The following DPP10 variants were observed in gnomAD, a reference collection of about 807,000 sequenced individuals.
DPP10 encodes the protein inactive dipeptidyl peptidase 10.
DPP10 carries 33 observed loss-of-function variants against 120.9 expected under a neutral mutation model. The ratio of observed to expected loss-of-function variants is 0.27; its 90% CI spans 0.21 to 0.37. DPP10 has a LOEUF of 0.37. DPP10 is among the 10% of genes least tolerant of loss of function. The pLI is 1.00. For synonymous variants in DPP10, 337 were observed against 326.1 expected, an observed-to-expected ratio of 1.03 and a Z score of -0.36; for missense variants, 816 against 942.8, an observed-to-expected ratio of 0.87 and a Z score of 1.76.
intron 1 of DPP10, among the ~76,000 whole-genome samples, chr2:114,459,367 A>G (rs1189698146): frequency 6.6e-6 from 1 of 152,206 alleles, no homozygotes; most frequent in Non-Finnish European, 1.5e-5. Flanking sequence ...TATATCAGTC[A>G]GTGGTCCATG....
intron 1 of DPP10, among the ~76,000 whole-genome samples, chr2:115,027,325 T>C (rs768600815): frequency 1.9e-4 from 29 of 152,170 alleles, no homozygotes; most frequent in Non-Finnish European, 2.5e-4. Flanking sequence ...ATGCCCTTTA[T>C]CTCTTTCTCT....
intron 1 of DPP10, among the ~76,000 whole-genome samples, chr2:114,923,712 C>T (rs907504582): frequency 2.9e-5 from 4 of 138,684 alleles, no homozygotes; most frequent in Non-Finnish European, 4.7e-5. Flanking sequence ...ATGATCCGCC[C>T]GCCTTGGCCT....
At chr2:114,734,166 T>C (rs546099651) in intron 1 of DPP10, among the ~76,000 whole-genome samples, 1 of 152,320 alleles carries the variant, frequency 6.6e-6, no homozygotes, top group South Asian at 2.1e-4. Flanking sequence ...TGCAAAGTCT[T>C]TTATGGGAAA....
chr2:115,528,032 G>A lies in DPP10; in HGVS notation c.441+2060G>A, dbSNP rs145098352. Among the ~76,000 whole-genome samples the A allele has an allele frequency of 2.0e-3, 306 of 152,214 alleles. 1 individual carries two copies. The highest frequency in any genetic ancestry group is 7.2e-3 in the African/African-American group (299 of 41,542). On this transcript the variant is annotated intron_variant, in intron 5 of 25. Coordinates refer to ENST00000410059, the MANE Select transcript of DPP10 (RefSeq NM_020868.6). ...GAGTTATGCCACAATAAACATATGT[G>A]TGCATGTGTCTTTATAGCAGCATTA...
chr2:115,831,258 C>CTTTCTTTA (rs1402614994), intron 21 of DPP10, among the ~76,000 whole-genome samples: 1 of 151,424 alleles, frequency 6.6e-6, no homozygotes, highest in Non-Finnish European at 1.5e-5. Context: ...TTCTTTCTTT[C>CTTTCTTTA]TTTATTTTGA....
rs200119642 is a variant in DPP10, at chr2:115,816,619, G to GT, written c.1950+906dup. Among the ~76,000 whole-genome samples the GT allele has an allele frequency of 1.8e-4, 19 of 103,664 alleles. 1 individual carries two copies. Among genetic ancestry groups the GT allele is most frequent in the African/African-American group, 3.9e-4 (11 of 28,174 alleles). The allele number at this position is 103,664 out of a possible 152,430, so 68.0% of individuals were successfully genotyped here. On this transcript the variant is annotated intron_variant, in intron 21 of 25. Transcript: ENST00000410059. ...GTTTTTTATTTTTGTTTTTTGTTTT[G>GT]TTTTTTTTTTTTTTTTGAGACGGAG...
At chr2:115,091,523 C>T (rs1022338394) in intron 1 of DPP10, among the ~76,000 whole-genome samples, 11 of 152,100 alleles carry the variant, frequency 7.2e-5, no homozygotes, top group African/African-American at 2.7e-4. Flanking sequence ...ACACTCTCCT[C>T]GCCTTCTCCC....
chr2:114,472,924 A>G (rs1573427943), intron 1 of DPP10, among the ~76,000 whole-genome samples: 1 of 152,296 alleles, frequency 6.6e-6, no homozygotes, highest in East Asian at 1.9e-4. Context: ...ATCTCCTCCC[A>G]TCACCATAGC....
chr2:115,840,322 T>TG (rs1298146053), intron 24 of DPP10, among the ~76,000 whole-genome samples: 14 of 109,572 alleles, frequency 1.3e-4, no homozygotes, highest in African/African-American at 4.8e-4. Context: ...TTTTTTGGTT[T>TG]TTTTTTTTTT....
At chr2:115,203,321 A>G (rs1234283108) in intron 1 of DPP10, among the ~76,000 whole-genome samples, 1 of 152,208 alleles carries the variant, frequency 6.6e-6, no homozygotes, top group Non-Finnish European at 1.5e-5. Context: ...TGTAATTTCA[A>G]TAGATGCTCG....
In DPP10 at chr2:114,547,923, G is replaced by A. The variant is rs555936462; in HGVS notation, c.60+105085G>A. ...GGGTGGGCTGGTGATTGCATTCACC[G>A]ACTTTTCTCCTCTGATTCTCTCACC... is the stretch of plus-strand genomic sequence containing the variant. On this transcript the variant is annotated intron_variant, in intron 1 of 25. Transcript: ENST00000410059. Among the ~76,000 whole-genome samples the A allele has an allele frequency of 2.6e-5, 4 of 152,138 alleles. No homozygotes were observed. The South Asian group carries it at 8.3e-4, about 31-fold the overall frequency.
chr2:115,380,742 G>T (rs2066261717), intron 3 of DPP10, among the ~76,000 whole-genome samples: 1 of 151,990 alleles, frequency 6.6e-6, no homozygotes, highest in Non-Finnish European at 1.5e-5. Flanking sequence ...TTTTAGGGCA[G>T]GCCTGGTGGT....
intron 1 of DPP10, among the ~76,000 whole-genome samples, chr2:115,067,699 T>A (rs1707010821): frequency 1.4e-5 from 2 of 147,690 alleles, no homozygotes; most frequent in South Asian, 2.2e-4. Context: ...CCGTCTCTAC[T>A]AAAAATACAA....
intron 1 of DPP10, among the ~76,000 whole-genome samples, chr2:114,670,055 C>A (rs989139945): frequency 6.6e-6 from 1 of 152,064 alleles, no homozygotes; most frequent in South Asian, 2.1e-4. Flanking sequence ...AATAGGAACA[C>A]TTTTACACTG....
intron 3 of DPP10, chr2:115,468,172 G>T: frequency 2.0e-6 from 1 of 493,102 alleles, no homozygotes; most frequent in South Asian, 1.5e-5. Flanking sequence ...AGTACATCTG[G>T]AAAAGGAAAA....
intron 1 of DPP10, among the ~76,000 whole-genome samples, chr2:114,828,216 C>A (rs1686736883): frequency 6.6e-6 from 1 of 152,242 alleles, no homozygotes; most frequent in East Asian, 1.9e-4. Flanking sequence ...TACGGCCATA[C>A]CACCCTGAAC....
At chr2:115,464,716 G>A (rs1484223018) in intron 3 of DPP10, among the ~76,000 whole-genome samples, 3 of 152,166 alleles carry the variant, frequency 2.0e-5, no homozygotes, top group African/African-American at 7.2e-5. Context: ...AGAGTCCTGG[G>A]TAGGGATGGA....
intron 1 of DPP10, among the ~76,000 whole-genome samples, chr2:115,034,573 C>A (rs1178251545): frequency 6.6e-6 from 1 of 152,112 alleles, no homozygotes; most frequent in Non-Finnish European, 1.5e-5. Flanking sequence ...TGAGAATGAC[C>A]ATTCAGTTAT....
At chr2:115,272,076 C>T (rs992452357) in intron 1 of DPP10, among the ~76,000 whole-genome samples, 1 of 152,030 alleles carries the variant, frequency 6.6e-6, no homozygotes, top group Non-Finnish European at 1.5e-5. Context: ...TTTATAAACA[C>T]TTACATAATG....
Sources: allele counts gnomAD v4.1 joint callset (sites outside exome capture counted in the v4.1 genomes callset), GRCh38; gene constraint gnomAD v4.1.1; transcripts MANE v1.5; gene names NCBI Gene and HGNC (gene_info 2026-07-23, HGNC 2026-07-21).